Variants in MAGI2 observed in about 807,000 individuals in gnomAD.
MAGI2 encodes the protein membrane-associated guanylate kinase, WW and PDZ domain-containing protein 2.
A neutral mutation model predicts 133.3 loss-of-function variants in MAGI2; 35 were observed. That is an observed-to-expected ratio of 0.26 (90% CI 0.20 to 0.35). The LOEUF (loss-of-function observed/expected upper bound fraction) is 0.35. Ranked by LOEUF, MAGI2 falls within the 10% of genes least tolerant of loss-of-function variation. The pLI is 1.00. For missense variants in MAGI2, 1,636 were observed against 1,863.4 expected (o/e 0.88, Z 2.25); for synonymous variants, 729 against 710.6 (o/e 1.03, Z -0.41).
rs186536745 is a variant in MAGI2 at position 79,327,346 on chromosome 7, G to T, written c.301+125674C>A. 1.2e-3 allele frequency among the ~76,000 whole-genome samples: 190 copies of T among 152,210 alleles called. 1 individual carries two copies. Among genetic ancestry groups the T allele is most frequent in the African/African-American group, 4.3e-3 (179 of 41,538 alleles). On this transcript the variant is annotated intron_variant, in intron 1 of 21. Transcript: ENST00000354212. Reference sequence around the variant, plus strand: ...TCTTAGAAATATTTTCTCAAAGATGGTGTTTGTAAGAAATGCTTATAGACA... The same window carrying T: ...TCTTAGAAATATTTTCTCAAAGATGTTGTTTGTAAGAAATGCTTATAGACA...
chr7:78,036,579 G>T (rs1051429576), intron 21 of MAGI2, among the ~76,000 whole-genome samples: 1 of 152,066 alleles, frequency 6.6e-6, no homozygotes, highest in African/African-American at 2.4e-5. Context: ...AAGTTAAGTG[G>T]CTCATCCAGA....
chr7:78,255,802 T>C, intron 10 of MAGI2, 141 bp downstream of exon 10: 2 of 863,122 alleles, frequency 2.3e-6, no homozygotes, highest in Non-Finnish European at 3.6e-6. Context: ...TTAATTCATG[T>C]TTTTCTCTCT....
At chr7:79,198,872 A>T (rs752246425) in intron 1 of MAGI2, among the ~76,000 whole-genome samples, 26 of 152,128 alleles carry the variant, frequency 1.7e-4, no homozygotes, top group Non-Finnish European at 3.4e-4. Flanking sequence ...TGGGTGACAG[A>T]ATGAGACCCT....
chr7:78,337,387 A>G (rs567344580), intron 9 of MAGI2, among the ~76,000 whole-genome samples: 18 of 152,168 alleles, frequency 1.2e-4, no homozygotes, highest in Non-Finnish European at 1.9e-4. Context: ...TGTTCTCCAT[A>G]CCTTCCCAGG....
At chr7:79,418,956 A>G (rs539113880) in intron 1 of MAGI2, among the ~76,000 whole-genome samples, 1 of 152,098 alleles carries the variant, frequency 6.6e-6, no homozygotes, top group South Asian at 2.1e-4. Context: ...TTTATCTAAA[A>G]TTAAAGAAAA....
intron 1 of MAGI2, among the ~76,000 whole-genome samples, chr7:79,385,233 C>T (rs1282460324): frequency 6.6e-6 from 1 of 151,718 alleles, no homozygotes; most frequent in Non-Finnish European, 1.5e-5. Context: ...CATGTGCAAG[C>T]TCGCATAAAT....
chr7:78,677,943 C>CA lies in MAGI2; in HGVS notation c.419-50705dup, dbSNP rs1815231606. On this transcript the variant is annotated intron_variant, in intron 2 of 21. Coordinates refer to ENST00000354212, the MANE Select transcript of MAGI2 (RefSeq NM_012301.4). ...CACAGACTGAACCAAAAAACAGAAC[C>CA]AAAATCTAAGTCCTAGTCACGGGCA... Among the ~76,000 whole-genome samples, 7 of 152,130 alleles carry CA rather than the reference C, an allele frequency of 4.6e-5. No homozygotes were observed. The South Asian group carries it at 1.5e-3, about 32-fold the overall frequency.
At chr7:78,990,326 TA>T (rs1296724841) in intron 2 of MAGI2, among the ~76,000 whole-genome samples, 1 of 152,024 alleles carries the variant, frequency 6.6e-6, no homozygotes, top group Non-Finnish European at 1.5e-5. Context: ...GGAAAAAAAA[TA>T]GTAAGAAGAA....
intron 3 of MAGI2, among the ~76,000 whole-genome samples, chr7:78,626,148 CTA>C (rs1808316534): frequency 6.6e-6 from 1 of 152,104 alleles, no homozygotes; most frequent in African/African-American, 2.4e-5. Flanking sequence ...TTTAATATCA[CTA>C]TTAGTTGCAG....
At chr7:78,535,798 T>C (rs1350747646) in intron 3 of MAGI2, among the ~76,000 whole-genome samples, 1 of 152,072 alleles carries the variant, frequency 6.6e-6, no homozygotes, top group East Asian at 1.9e-4. Context: ...TTGAGATATT[T>C]TGCAGACCCT....
intron 6 of MAGI2, among the ~76,000 whole-genome samples, chr7:78,449,518 A>T (rs1204850785): frequency 6.6e-6 from 1 of 152,092 alleles, no homozygotes; most frequent in Non-Finnish European, 1.5e-5. Context: ...ACTCAATACC[A>T]TTGTCTTCAA....
chr7:78,665,518 T>A (rs321991), intron 2 of MAGI2, among the ~76,000 whole-genome samples: 1 of 151,912 alleles, frequency 6.6e-6, no homozygotes. Flanking sequence ...GAGCCAGAAG[T>A]GGTCCAAGGC....
At chr7:78,276,644 G>A (rs10254305) in intron 9 of MAGI2, among the ~76,000 whole-genome samples, 1 of 2,562 alleles carries the variant, frequency 3.9e-4, no homozygotes, top group Non-Finnish European at 7.6e-4. Context: ...ATTAACAGTC[G>A]AGTGAATATA....
intron 1 of MAGI2, among the ~76,000 whole-genome samples, chr7:79,384,534 T>C (rs1844042545): frequency 6.6e-6 from 1 of 151,632 alleles, no homozygotes; most frequent in African/African-American, 2.4e-5. Context: ...TGTTATAAAA[T>C]AGCTTAAATA....
At position 78,548,551 on chromosome 7, in the gene MAGI2, C is replaced by T. The variant is rs533329558; in HGVS notation, c.539-26906G>A. Reference sequence around the variant, plus strand: ...CTCTATTAAAAATACAAAAATTGGCCGGGCGTGGTGGTGCATGCCTGTAAT... The same window carrying T: ...CTCTATTAAAAATACAAAAATTGGCTGGGCGTGGTGGTGCATGCCTGTAAT... On this transcript the variant is annotated intron_variant, in intron 3 of 21. Coordinates refer to ENST00000354212, the MANE Select transcript of MAGI2 (RefSeq NM_012301.4). Among the ~76,000 whole-genome samples, 15 of 152,116 alleles carry T rather than the reference C, an allele frequency of 9.9e-5. 1 individual carries two copies. Among genetic ancestry groups the T allele is most frequent in the African/African-American group, 3.4e-4 (14 of 41,484 alleles).
intron 1 of MAGI2, among the ~76,000 whole-genome samples, chr7:79,038,827 T>C (rs1248432232): frequency 1.3e-5 from 2 of 152,338 alleles, no homozygotes; most frequent in East Asian, 1.9e-4. Flanking sequence ...TTGCTGTGTG[T>C]GTGTCTAGTC....
intron 1 of MAGI2, among the ~76,000 whole-genome samples, chr7:79,401,503 G>C (rs1035572974): frequency 1.3e-5 from 2 of 152,080 alleles, no homozygotes; most frequent in Admixed American, 1.3e-4. Flanking sequence ...TTTGTTATTT[G>C]TTGACTTTTA....
intron 1 of MAGI2, among the ~76,000 whole-genome samples, chr7:79,270,102 G>A (rs1349131894): frequency 2.0e-5 from 3 of 151,888 alleles, no homozygotes; most frequent in Non-Finnish European, 4.4e-5. Flanking sequence ...CCTGTCCTGC[G>A]GCCCCACCCA....
At chr7:78,558,709 C>T (rs535340820) in intron 3 of MAGI2, among the ~76,000 whole-genome samples, 1 of 152,094 alleles carries the variant, frequency 6.6e-6, no homozygotes, top group Admixed American at 6.6e-5. Flanking sequence ...ATGACATTCT[C>T]ACAAGTGTGA....
Sources: allele counts gnomAD v4.1 joint callset (sites outside exome capture counted in the v4.1 genomes callset), GRCh38; gene constraint gnomAD v4.1.1; transcripts MANE v1.5; gene names NCBI Gene and HGNC (gene_info 2026-07-23, HGNC 2026-07-21).